CCSER1: variants seen among roughly 807,000 people sequenced by gnomAD.
The protein encoded by CCSER1 is coiled-coil serine rich protein 1.
CCSER1 carries 41 observed loss-of-function variants against 82.0 expected under a neutral mutation model. The observed-to-expected ratio is 0.50, with a 90% CI of 0.39 to 0.65. The LOEUF (loss-of-function observed/expected upper bound fraction) is 0.65, where lower values mean the gene tolerates loss of function less well. Among genes scored for constraint, CCSER1 ranks in the 30% least tolerant of loss-of-function variants. The pLI is 0.00. For missense variants in CCSER1, 1,119 were observed against 1,064.2 expected, an observed-to-expected ratio of 1.05 and a Z score of -0.72; for synonymous variants, 414 against 383.9, an observed-to-expected ratio of 1.08 and a Z score of -0.92.
chr4:90,957,502 AT>A (rs1361786710), intron 9 of CCSER1, among the ~76,000 whole-genome samples: 34 of 124,662 alleles, frequency 2.7e-4, no homozygotes, highest in Non-Finnish European at 4.0e-4. Context: ...ATTATATAAT[AT>A]TATATAATAT....
At chr4:90,861,824 G>T (rs1561264960) in intron 8 of CCSER1, among the ~76,000 whole-genome samples, 1 of 150,810 alleles carries the variant, frequency 6.6e-6, no homozygotes, top group Non-Finnish European at 1.5e-5. Context: ...TAGAGAAAAT[G>T]AGATTAAATG....
At chr4:91,005,701 A>G (rs1738443372) in intron 9 of CCSER1, among the ~76,000 whole-genome samples, 1 of 152,208 alleles carries the variant, frequency 6.6e-6, no homozygotes. Flanking sequence ...AAGGAGAAAC[A>G]GGAAATTGGT....
intron 10 of CCSER1, among the ~76,000 whole-genome samples, chr4:91,212,413 C>T (rs759850918): frequency 8.6e-5 from 13 of 151,914 alleles, no homozygotes; most frequent in Non-Finnish European, 1.9e-4. Flanking sequence ...AATGCCATCC[C>T]TCAGTGTTTC....
At chr4:91,463,212 T>C in intron 10 of CCSER1, among the ~76,000 whole-genome samples, 1 of 152,188 alleles carries the variant, frequency 6.6e-6, no homozygotes. Flanking sequence ...ATAATCGCTG[T>C]TCTGCAGCCT....
intron 4 of CCSER1, among the ~76,000 whole-genome samples, chr4:90,434,198 C>A (rs1347641633): frequency 6.6e-6 from 1 of 151,904 alleles, no homozygotes; most frequent in African/African-American, 2.4e-5. Context: ...TCATTTATTT[C>A]TCTTCATATC....
intron 8 of CCSER1, among the ~76,000 whole-genome samples, chr4:90,869,685 T>C (rs1766196693): frequency 1.3e-5 from 2 of 150,924 alleles, no homozygotes; most frequent in African/African-American, 2.4e-5. Flanking sequence ...TTGGCTATTC[T>C]GGGTCTTTTG....
chr4:90,675,498 A>G (rs1273109282), intron 6 of CCSER1, among the ~76,000 whole-genome samples: 2 of 151,852 alleles, frequency 1.3e-5, no homozygotes, highest in East Asian at 3.9e-4. Flanking sequence ...AGTATGTTGA[A>G]CTCAATTTTA....
At chr4:91,209,635 C>T (rs1050183194) in intron 10 of CCSER1, among the ~76,000 whole-genome samples, 17 of 151,750 alleles carry the variant, frequency 1.1e-4, no homozygotes, top group South Asian at 2.1e-4. Context: ...CAAGGATATT[C>T]GCATCTACGT....
intron 8 of CCSER1, among the ~76,000 whole-genome samples, chr4:90,889,173 T>C (rs979969406): frequency 6.6e-6 from 1 of 152,214 alleles, no homozygotes; most frequent in Non-Finnish European, 1.5e-5. Context: ...CATTTACAAA[T>C]GATTTCAATT....
chr4:91,480,926 A>G (rs1757871929), intron 10 of CCSER1, among the ~76,000 whole-genome samples: 4 of 152,062 alleles, frequency 2.6e-5, no homozygotes, highest in Admixed American at 2.6e-4. Context: ...GTTGAGTGAC[A>G]TTTTTCTTAG....
chr4:91,003,934 T>C (rs114335457), intron 9 of CCSER1, among the ~76,000 whole-genome samples: 1,968 of 152,266 alleles, frequency 0.013, 31 homozygotes, highest in Non-Finnish European at 0.022. Flanking sequence ...CACTTGGTTC[T>C]CTAATTTGTT....
At chr4:91,400,794 A>C (rs922000410) in intron 10 of CCSER1, among the ~76,000 whole-genome samples, 2 of 151,726 alleles carry the variant, frequency 1.3e-5, no homozygotes, top group African/African-American at 4.8e-5. Flanking sequence ...ATTCAATTAC[A>C]CTGTGTTTAA....
intron 1 of CCSER1, among the ~76,000 whole-genome samples, chr4:90,293,956 A>T (rs1731386075): frequency 6.6e-6 from 1 of 152,066 alleles, no homozygotes. Context: ...ATTGTTTGTA[A>T]TATGGAAATA....
intron 9 of CCSER1, among the ~76,000 whole-genome samples, chr4:91,059,051 A>G (rs888060128): frequency 6.6e-6 from 1 of 152,030 alleles, no homozygotes; most frequent in Non-Finnish European, 1.5e-5. Flanking sequence ...ACTGGTAAAA[A>G]GTAATATGCA....
chr4:91,360,176 C>T lies in CCSER1; in HGVS notation c.2218-238396C>T, dbSNP rs998831658. 5.9e-5 allele frequency among the ~76,000 whole-genome samples: 9 copies of T among 151,730 alleles called. 1 individual carries two copies. Among genetic ancestry groups the T allele is most frequent in the Non-Finnish European group, 1.3e-4 (9 of 67,854 alleles). On this transcript the variant is annotated intron_variant, in intron 10 of 10. Coordinates refer to ENST00000509176, the MANE Select transcript of CCSER1 (RefSeq NM_001145065.2). The stretch of plus-strand genomic sequence containing the variant: ...ATCCTGAGTTTTAGGGTTGACTCTG[C>T]TATGCTATAAAATTGATGTGTGGGA...
intron 6 of CCSER1, among the ~76,000 whole-genome samples, chr4:90,712,349 T>C (rs923664930): frequency 1.3e-5 from 2 of 152,106 alleles, no homozygotes; most frequent in African/African-American, 4.8e-5. Context: ...TGTATCCTTG[T>C]TCTCATTCAT....
At chr4:90,412,540 C>A (rs541661937) in intron 4 of CCSER1, among the ~76,000 whole-genome samples, 92 of 130,710 alleles carry the variant, frequency 7.0e-4, no homozygotes, top group African/African-American at 2.4e-3. Flanking sequence ...AAAAAAAAAA[C>A]CAAAAAGATA....
At chr4:90,649,886 C>A (rs1728396545) in intron 6 of CCSER1, among the ~76,000 whole-genome samples, 2 of 152,050 alleles carry the variant, frequency 1.3e-5, no homozygotes, top group South Asian at 4.2e-4. Context: ...GTGGGTGGAT[C>A]ACGAGGTCGG....
At chr4:91,085,911 T>C in intron 9 of CCSER1, 39 bp from the exon 10 acceptor site, 1 of 1,133,622 alleles carries the variant, frequency 8.8e-7, no homozygotes, top group Non-Finnish European at 1.3e-6. Flanking sequence ...ATTTAATTCT[T>C]CGTTGCCAAT....
Sources: gnomAD v4.1 joint callset for allele counts (sites outside exome capture counted in the v4.1 genomes callset) on GRCh38, gnomAD v4.1.1 for gene constraint, MANE v1.5 for transcripts, NCBI Gene and HGNC (gene_info 2026-07-23, HGNC 2026-07-21) for gene names.